Variants in RHBDD1 observed in about 807,000 individuals in gnomAD.
The protein encoded by RHBDD1 is rhomboid domain containing 1.
RHBDD1 carries 38 observed loss-of-function variants against 36.3 expected under a neutral mutation model. The observed-to-expected ratio is 1.05, with a 90% CI of 0.81 to 1.37. RHBDD1 has a LOEUF of 1.37. Ranked by LOEUF, RHBDD1 falls within the 40% of genes most tolerant of loss-of-function variation. The pLI is 0.00. For missense variants in RHBDD1, 393 were observed against 377.6 expected, an observed-to-expected ratio of 1.04 and a Z score of -0.34; for synonymous variants, 151 against 136.5, an observed-to-expected ratio of 1.11 and a Z score of -0.74.
At chr2:226,926,461 G>A (rs1949678440) in intron 8 of RHBDD1, among the ~76,000 whole-genome samples, 1 of 152,050 alleles carries the variant, frequency 6.6e-6, no homozygotes, top group Admixed American at 6.6e-5. Context: ...AATTTTTCAG[G>A]ACACCAGTCT....
intron 8 of RHBDD1, among the ~76,000 whole-genome samples, chr2:226,974,299 G>A (rs1011824401): frequency 2.0e-5 from 3 of 151,990 alleles, no homozygotes; most frequent in African/African-American, 4.8e-5. Flanking sequence ...GTGCAGTGGT[G>A]TGATCTCGGC....
At position 226,914,233 on chromosome 2, in the gene RHBDD1, T is replaced by C. The variant is rs577760206; in HGVS notation, c.738T>C (p.Tyr246=). 4.5e-5 allele frequency: 73 copies of C among 1,613,784 alleles called. 1 individual carries two copies. The highest frequency in any genetic ancestry group is 4.2e-4 in the Admixed American group (25 of 59,988). The change falls in exon 8 of 9, where the codon TAT becomes TAC. Residue 246 remains tyrosine, a synonymous_variant. Transcript: ENST00000392062. The part of the protein sequence containing the change: ...SSGSSGYQDY[Y]PHGRPDHYEE... Reference sequence around the variant, plus strand: ...GCAGCTCTGGATATCAGGATTATTATCCGCATGGCAGGCCAGATCACTATG... The same window carrying C: ...GCAGCTCTGGATATCAGGATTATTACCCGCATGGCAGGCCAGATCACTATG...
chr2:226,864,741 T>G lies in RHBDD1; in HGVS notation c.48T>G (p.Leu16=). The change falls in exon 4 of 9, where the codon CTT becomes CTG. Residue 16 remains leucine (L), a synonymous_variant. Coordinates refer to ENST00000392062, the MANE Select transcript of RHBDD1 (RefSeq NM_001167608.3). ...RGINTGLILL[L]SQIFHVGINN... ...TAAATACTGGACTTATTCTACTCCTTTCTCAAATCTTCCATGTTGGGATCA... is the reference window on the plus strand; with the variant it reads ...TAAATACTGGACTTATTCTACTCCTGTCTCAAATCTTCCATGTTGGGATCA... 1 of 1,614,162 alleles carries G rather than the reference T, an allele frequency of 6.2e-7. No homozygotes were observed. Among genetic ancestry groups the G allele is most frequent in the Non-Finnish European group, 8.5e-7 (1 of 1,180,014 alleles).
chr2:226,867,774 A>G (rs1944461543), intron 5 of RHBDD1: 5 of 589,788 alleles, frequency 8.5e-6, no homozygotes, highest in African/African-American at 8.1e-5. Context: ...GTTGGAGTGC[A>G]GTGGCGTGAT....
chr2:226,806,378 T>A, the RHBDD1 span, among the ~76,000 whole-genome samples: 6 of 152,212 alleles, frequency 3.9e-5, no homozygotes, highest in African/African-American at 7.2e-5. Context: ...TGTAGGTCAA[T>A]GTGTAGTTCC....
Position 226,907,047 on chromosome 2 carries a change from C to T in RHBDD1, c.655+166C>T, listed in dbSNP as rs971726587. ...GTAAAACAACCAGTGCAGTTCCTTA[C>T]ATTGCTCCACAAAAGAGGCTGCAAA... On this transcript the variant is annotated intron_variant, in intron 6 of 8. Coordinates refer to ENST00000392062, the MANE Select transcript of RHBDD1 (RefSeq NM_001167608.3). 2.4e-5 allele frequency: 17 copies of T among 695,980 alleles called. No individual in the cohort carries two copies. The East Asian group carries it at 4.3e-4, about 18-fold the overall frequency. The allele number at this position is 695,980 out of a possible 1,614,324, so 43.1% of individuals were successfully genotyped here.
At chr2:226,803,714 A>G in the RHBDD1 span, among the ~76,000 whole-genome samples, 1 of 152,328 alleles carries the variant, frequency 6.6e-6, no homozygotes, top group South Asian at 2.1e-4. Flanking sequence ...GCAATTTGGG[A>G]ATCTGAAAGG....
chr2:226,945,735 T>C (rs1004947530), intron 8 of RHBDD1, among the ~76,000 whole-genome samples: 11 of 152,324 alleles, frequency 7.2e-5, no homozygotes, highest in Middle Eastern at 3.4e-3. Flanking sequence ...ATCACCACAC[T>C]GTCTTCCACA....
intron 5 of RHBDD1, among the ~76,000 whole-genome samples, chr2:226,901,947 C>T (rs73085838): frequency 0.015 from 2,342 of 152,166 alleles, 52 homozygotes; most frequent in African/African-American, 0.053. Flanking sequence ...CTGATAGTTA[C>T]GTACTGAGTG....
intron 3 of RHBDD1, among the ~76,000 whole-genome samples, chr2:226,863,105 T>A (rs1944007841): frequency 6.6e-6 from 1 of 152,122 alleles, no homozygotes; most frequent in South Asian, 2.1e-4. Context: ...CCCAGCACTT[T>A]GGGAGGCTGA....
the RHBDD1 span, among the ~76,000 whole-genome samples, chr2:226,826,122 A>G: frequency 6.6e-6 from 1 of 152,202 alleles, no homozygotes; most frequent in Non-Finnish European, 1.5e-5. Flanking sequence ...TTATTTATCT[A>G]CTTCTTAGGA....
chr2:226,974,966 C>A (rs1413911351), intron 8 of RHBDD1, among the ~76,000 whole-genome samples: 2 of 152,202 alleles, frequency 1.3e-5, no homozygotes, highest in African/African-American at 4.8e-5. Flanking sequence ...AGGCCTAGTT[C>A]CACTGCTCTG....
At chr2:226,914,025 A>G (rs901470033) in intron 7 of RHBDD1, among the ~76,000 whole-genome samples, 183 bp from the exon 8 acceptor site, 5 of 152,184 alleles carry the variant, frequency 3.3e-5, no homozygotes, top group Non-Finnish European at 5.9e-5. Context: ...GTTCAGCCCC[A>G]TGGTGGGCAC....
At chr2:226,988,585 A>G in intron 8 of RHBDD1, 1 of 1,382,200 alleles carries the variant, frequency 7.2e-7, no homozygotes, top group East Asian at 2.8e-5. Context: ...CAGAAACATC[A>G]GAAGAGGCCG....
chr2:226,819,555 G>C, the RHBDD1 span, among the ~76,000 whole-genome samples: 1 of 152,156 alleles, frequency 6.6e-6, no homozygotes, highest in East Asian at 1.9e-4. Flanking sequence ...TGGGAAGGCT[G>C]ATAATGTAGG....
intron 5 of RHBDD1, among the ~76,000 whole-genome samples, chr2:226,887,016 G>A (rs1038803040): frequency 6.6e-6 from 1 of 152,050 alleles, no homozygotes; most frequent in African/African-American, 2.4e-5. Flanking sequence ...ACAAGCCTGT[G>A]GCAGGTTTAA....
intron 5 of RHBDD1, among the ~76,000 whole-genome samples, chr2:226,869,528 G>T (rs1170979024): frequency 2.0e-5 from 3 of 152,160 alleles, no homozygotes; most frequent in Non-Finnish European, 4.4e-5. Context: ...TTGCTTTATT[G>T]CAGGACTGTA....
intron 5 of RHBDD1, among the ~76,000 whole-genome samples, chr2:226,884,094 C>T (rs981170054): frequency 5.9e-5 from 9 of 152,154 alleles, no homozygotes; most frequent in Non-Finnish European, 1.0e-4. Context: ...TGATAAATCA[C>T]ATCTCTGGAG....
chr2:226,838,631 A>G (rs552409944), intron 2 of RHBDD1, among the ~76,000 whole-genome samples: 1 of 152,200 alleles, frequency 6.6e-6, no homozygotes, highest in Non-Finnish European at 1.5e-5. Flanking sequence ...GAAAAAAGGT[A>G]TTTGTTGTCT....
Sources: allele counts gnomAD v4.1 joint callset (sites outside exome capture counted in the v4.1 genomes callset), GRCh38; gene constraint gnomAD v4.1.1; transcripts MANE v1.5; gene names NCBI Gene and HGNC (gene_info 2026-07-23, HGNC 2026-07-21).